LRGUK: variants seen among roughly 807,000 people sequenced by gnomAD.
The protein encoded by LRGUK is leucine-rich repeat and guanylate kinase domain-containing protein.
A neutral mutation model predicts 76.0 loss-of-function variants in LRGUK; 65 were observed. The observed-to-expected ratio is 0.85, with a 90% CI of 0.70 to 1.05. The LOEUF is 1.05. Ranked by LOEUF, LRGUK falls within the 50% of genes least tolerant of loss-of-function variation. LRGUK has a pLI of 0.00. For missense variants in LRGUK, 758 were observed against 732.8 expected (o/e 1.03, Z -0.40); for synonymous variants, 268 against 265.6 (o/e 1.01, Z -0.09).
At chr7:134,209,819 C>T in exon 16 of LRGUK, 1 of 399,454 alleles carries the variant, frequency 2.5e-6, no homozygotes, top group Non-Finnish European at 4.4e-6. Context: ...GAAACTCCCT[C>T]TTATCAGTCC....
At chr7:134,127,723 G>A (rs1797072777) in intron 1 of LRGUK, 59 bp downstream of exon 1, 2 of 1,528,012 alleles carry the variant, frequency 1.3e-6, no homozygotes, top group Admixed American at 4.0e-5. Flanking sequence ...TGTTACTTCA[G>A]CGGCAGCTCC....
chr7:134,143,602 A>G (rs1176373476), intron 4 of LRGUK, among the ~76,000 whole-genome samples: 2 of 152,250 alleles, frequency 1.3e-5, no homozygotes, highest in East Asian at 3.8e-4. Context: ...GAAAAATTTT[A>G]TATCTGAATA....
chr7:134,226,746 A>G (rs117297002), intron 16 of LRGUK, among the ~76,000 whole-genome samples: 4 of 152,318 alleles, frequency 2.6e-5, no homozygotes, highest in African/African-American at 4.8e-5. Context: ...AATAATACCT[A>G]TCTTACAATG....
At chr7:134,274,441 G>GA in the LRGUK span, among the ~76,000 whole-genome samples, 1 of 152,118 alleles carries the variant, frequency 6.6e-6, no homozygotes, top group Non-Finnish European at 1.5e-5. Context: ...CAGTGGAATT[G>GA]AAAAGAAAAT....
intron 19 of LRGUK, among the ~76,000 whole-genome samples, chr7:134,263,442 A>G (rs996153718): frequency 2.1e-4 from 13 of 61,182 alleles, no homozygotes; most frequent in Middle Eastern, 0.014. Context: ...TATGATTGTG[A>G]AAGAGTACTG....
chr7:134,178,934 A>AAAAAAAAAACC (rs1554464246), intron 10 of LRGUK, among the ~76,000 whole-genome samples: 2 of 78,134 alleles, frequency 2.6e-5, no homozygotes, highest in African/African-American at 1.1e-4. Context: ...CTCAAAAAAA[A>AAAAAAAAAACC]AAAAAAAAAA....
At chr7:134,175,598 C>T (rs1799445397) in intron 8 of LRGUK, among the ~76,000 whole-genome samples, 1 of 152,150 alleles carries the variant, frequency 6.6e-6, no homozygotes, top group Non-Finnish European at 1.5e-5. Context: ...AAAACCTCTC[C>T]CCAACATTTA....
At chr7:134,133,024 G>A (rs139000903) in intron 1 of LRGUK, among the ~76,000 whole-genome samples, 28 of 152,318 alleles carry the variant, frequency 1.8e-4, no homozygotes, top group Admixed American at 1.8e-3. Flanking sequence ...ATAGCAAAGA[G>A]GCCCAGCTGA....
chr7:134,271,088 C>G, the LRGUK span, among the ~76,000 whole-genome samples: 6 of 151,976 alleles, frequency 3.9e-5, no homozygotes, highest in Non-Finnish European at 4.4e-5. Context: ...TTTAAATAAG[C>G]TTATTGGCCA....
intron 19 of LRGUK, among the ~76,000 whole-genome samples, chr7:134,261,771 T>C (rs1802734092): frequency 6.6e-6 from 1 of 152,246 alleles, no homozygotes; most frequent in African/African-American, 2.4e-5. Context: ...GTGGGCCATG[T>C]GGGCTCTTGT....
At chr7:134,198,890 T>G (rs1186042572) in intron 13 of LRGUK, among the ~76,000 whole-genome samples, 1 of 152,230 alleles carries the variant, frequency 6.6e-6, no homozygotes, top group African/African-American at 2.4e-5. Flanking sequence ...GAAATTACCT[T>G]TCTGTAATAA....
At chr7:134,131,082 C>T (rs564061295) in intron 1 of LRGUK, among the ~76,000 whole-genome samples, 1 of 152,136 alleles carries the variant, frequency 6.6e-6, no homozygotes, top group Non-Finnish European at 1.5e-5. Context: ...TGAATGATTG[C>T]TATGCAGAAA....
chr7:134,174,498 G>A (rs1799399637), intron 7 of LRGUK, 58 bp from the exon 8 acceptor site: 1 of 1,084,666 alleles, frequency 9.2e-7, no homozygotes, highest in Non-Finnish European at 1.4e-6. Context: ...ATTGTATTAT[G>A]TTTTCTATTG....
the LRGUK span, among the ~76,000 whole-genome samples, chr7:134,275,399 T>A: frequency 0.15 from 22,073 of 152,166 alleles, 4,116 homozygotes; most frequent in African/African-American, 0.43. Context: ...CATTTTGGAA[T>A]ATATACAGTA....
intron 17 of LRGUK, 51 bp downstream of exon 17, chr7:134,247,695 T>C (rs776303821): frequency 7.3e-7 from 1 of 1,363,224 alleles, no homozygotes; most frequent in Non-Finnish European, 1.0e-6. Context: ...AGTGTTCAAA[T>C]AGATCAAATG....
chr7:134,159,276 G>T (rs1798619048), intron 6 of LRGUK, among the ~76,000 whole-genome samples: 1 of 150,378 alleles, frequency 6.6e-6, no homozygotes, highest in South Asian at 2.1e-4. Context: ...GGTCAAGGCT[G>T]CAGTGAGTCA....
rs1440371730 is a variant in LRGUK, at chr7:134,205,287, G to C, written c.1844-3420G>C. ...TTGTAAGACAGGAAAGTTCCTGATT[G>C]GTGCGTTTTACAATCCTCTTGTAAG... On this transcript the variant is annotated intron_variant, in intron 15 of 15. Coordinates refer to ENST00000645682, the Ensembl canonical transcript of LRGUK. 2.0e-5 allele frequency among the ~76,000 whole-genome samples: 3 copies of C among 152,192 alleles called. No homozygotes were observed. The South Asian group carries it at 6.2e-4, about 32-fold the overall frequency.
chr7:134,239,247 G>A (rs1802078200), intron 16 of LRGUK, among the ~76,000 whole-genome samples: 1 of 152,174 alleles, frequency 6.6e-6, no homozygotes, highest in Non-Finnish European at 1.5e-5. Flanking sequence ...AGAGCAGAGT[G>A]GGGCATCGCC....
At chr7:134,129,154 C>T in intron 1 of LRGUK, among the ~76,000 whole-genome samples, 1 of 119,524 alleles carries the variant, frequency 8.4e-6, no homozygotes, top group Admixed American at 8.2e-5. Flanking sequence ...CTTCCTTCCT[C>T]TTTCTTTCTT....
Sources: allele counts gnomAD v4.1 joint callset (sites outside exome capture counted in the v4.1 genomes callset), GRCh38; gene constraint gnomAD v4.1.1; transcripts MANE v1.5; gene names NCBI Gene and HGNC (gene_info 2026-07-23, HGNC 2026-07-21).